Variants in POU2F1 observed in about 807,000 individuals in gnomAD.
POU2F1 encodes POU class 2 homeobox 1, also known as POU domain, class 2, transcription factor 1.
A neutral mutation model predicts 84.9 loss-of-function variants in POU2F1; 16 were observed. The ratio of observed to expected loss-of-function variants is 0.19; its 90% confidence interval spans 0.13 to 0.29. POU2F1 has a LOEUF of 0.29. POU2F1 is among the 10% of genes least tolerant of loss of function. POU2F1 has a pLI of 1.00. For missense variants in POU2F1, 738 were observed against 942.6 expected (o/e 0.78, Z 2.84); for synonymous variants, 368 against 368.3 (o/e 1.00, Z 0.01).
At chr1:167,290,274 A>G (rs778687127) in intron 1 of POU2F1, among the ~76,000 whole-genome samples, 3 of 152,070 alleles carry the variant, frequency 2.0e-5, no homozygotes, top group East Asian at 1.9e-4. Flanking sequence ...GTGTGCGCCT[A>G]TAGTCCCATG....
intron 1 of POU2F1, among the ~76,000 whole-genome samples, chr1:167,260,684 C>T (rs1222239505): frequency 6.6e-6 from 1 of 152,158 alleles, no homozygotes; most frequent in East Asian, 1.9e-4. Flanking sequence ...TTCTACATTT[C>T]TTTTGACGCT....
chr1:167,308,096 T>C (rs1170424802), intron 1 of POU2F1, among the ~76,000 whole-genome samples: 2 of 151,542 alleles, frequency 1.3e-5, no homozygotes, highest in East Asian at 3.9e-4. Flanking sequence ...AGACGGAGCC[T>C]TGCTCTGTCA....
chr1:167,392,045 G>T (rs1378648949), intron 9 of POU2F1, among the ~76,000 whole-genome samples: 2 of 151,976 alleles, frequency 1.3e-5, no homozygotes, highest in Non-Finnish European at 2.9e-5. Flanking sequence ...TAAATGATCT[G>T]ACCTGTTTTA....
intron 1 of POU2F1, chr1:167,241,362 C>T (rs568478269): frequency 2.6e-5 from 4 of 152,148 alleles, no homozygotes; most frequent in East Asian, 1.9e-4. Context: ...CTAAATATTT[C>T]GTTTTAAAAG....
At chr1:167,232,239 C>T (rs778366015) in intron 1 of POU2F1, among the ~76,000 whole-genome samples, 1 of 152,228 alleles carries the variant, frequency 6.6e-6, no homozygotes, top group Non-Finnish European at 1.5e-5. Flanking sequence ...TGTACAATCA[C>T]GTACCGCATA....
chr1:167,333,575 A>G (rs1425988385), intron 2 of POU2F1, among the ~76,000 whole-genome samples: 1 of 152,172 alleles, frequency 6.6e-6, no homozygotes, highest in Non-Finnish European at 1.5e-5. Flanking sequence ...CTTTTGCTGT[A>G]AACTCTCCTA....
At chr1:167,401,681 C>T (rs1649219080) in intron 13 of POU2F1, 125 bp downstream of exon 13, 1 of 525,064 alleles carries the variant, frequency 1.9e-6, no homozygotes, top group Non-Finnish European at 3.1e-6. Context: ...TCATAAATAT[C>T]AATTTTCTTT....
intron 1 of POU2F1, among the ~76,000 whole-genome samples, chr1:167,318,150 G>A (rs890938579): frequency 1.3e-5 from 2 of 152,180 alleles, no homozygotes; most frequent in African/African-American, 2.4e-5. Context: ...AGTTTGTAGA[G>A]TGTCCTTCTA....
At chr1:167,245,605 G>A in intron 1 of POU2F1, among the ~76,000 whole-genome samples, 1 of 151,878 alleles carries the variant, frequency 6.6e-6, no homozygotes, top group East Asian at 1.9e-4. Context: ...TAGAGACGGG[G>A]TTTCTCCACA....
intron 1 of POU2F1, among the ~76,000 whole-genome samples, chr1:167,264,147 A>G (rs1571191971): frequency 6.6e-6 from 1 of 152,314 alleles, no homozygotes; most frequent in African/African-American, 2.4e-5. Flanking sequence ...TTAAGAGAAG[A>G]TAATGGGCAA....
chr1:167,308,154 C>T (rs1199987546), intron 1 of POU2F1, among the ~76,000 whole-genome samples: 1 of 151,924 alleles, frequency 6.6e-6, no homozygotes, highest in African/African-American at 2.4e-5. Flanking sequence ...GCAGCCTCTG[C>T]CGCCCGGGTT....
intron 1 of POU2F1, among the ~76,000 whole-genome samples, chr1:167,325,718 G>A (rs1459643337): frequency 4.0e-5 from 6 of 151,872 alleles, no homozygotes; most frequent in East Asian, 1.9e-4. Context: ...GGTGAAACCC[G>A]TCTCTACTAA....
In POU2F1 at chr1:167,225,440, A is replaced by G. The variant is rs191706959; in HGVS notation, c.61+4482A>G. Among the ~76,000 whole-genome samples, 4 of 152,372 alleles carry G rather than the reference A, an allele frequency of 2.6e-5. No individual in the cohort carries two copies. The East Asian group carries it at 7.7e-4, about 29-fold the overall frequency. On this transcript the variant is annotated intron_variant, in intron 1 of 15. Coordinates refer to ENST00000367866, the MANE Select transcript of POU2F1 (RefSeq NM_002697.4). ...ACTATTCTCTACATCAATAGGTAGT[A>G]TAAAGCAGTGTAAATAAAATATGTT...
intron 1 of POU2F1, among the ~76,000 whole-genome samples, chr1:167,226,552 A>G (rs1191058649): frequency 6.6e-6 from 1 of 152,226 alleles, no homozygotes. Flanking sequence ...AAACTGTTTC[A>G]GCAGTAATAA....
chr1:167,285,729 C>T (rs182282211), intron 1 of POU2F1, among the ~76,000 whole-genome samples: 163 of 152,248 alleles, frequency 1.1e-3, no homozygotes, highest in Non-Finnish European at 2.0e-3. Flanking sequence ...GGCTAGTGCT[C>T]ATTTATCAGT....
intron 10 of POU2F1, chr1:167,396,696 C>A (rs1354694248): frequency 3.0e-6 from 1 of 338,208 alleles, no homozygotes. Flanking sequence ...AACACACACA[C>A]ACACACACAC....
Position 167,396,275 on chromosome 1 carries a change from A to G in POU2F1, c.988-11A>G. Reference sequence around the variant, plus strand: ...TTCCTCTCCTCTTCTCCTGCTCTGTATTGTGTGTAGGGTGATGTTGGGCTC... The same window carrying G: ...TTCCTCTCCTCTTCTCCTGCTCTGTGTTGTGTGTAGGGTGATGTTGGGCTC... On this transcript the variant is annotated splice_polypyrimidine_tract_variant and intron_variant, in intron 9 of 15. Coordinates refer to ENST00000367866, the MANE Select transcript of POU2F1 (RefSeq NM_002697.4). 2.5e-6 allele frequency: 4 copies of G among 1,613,700 alleles called. No individual in the cohort carries two copies. The highest frequency in any genetic ancestry group is 3.4e-6 in the Non-Finnish European group (4 of 1,179,730).
intron 1 of POU2F1, among the ~76,000 whole-genome samples, chr1:167,288,545 C>T (rs917894651): frequency 6.6e-6 from 1 of 152,092 alleles, no homozygotes; most frequent in African/African-American, 2.4e-5. Flanking sequence ...TAAAAATTAG[C>T]CAGGTGCTGT....
chr1:167,378,829 T>C (rs1040007532), intron 7 of POU2F1, among the ~76,000 whole-genome samples: 2 of 152,066 alleles, frequency 1.3e-5, no homozygotes, highest in African/African-American at 4.8e-5. Flanking sequence ...CTTGGCTCAC[T>C]GCAACCTCTG....
Sources: allele counts gnomAD v4.1 joint callset (sites outside exome capture counted in the v4.1 genomes callset), GRCh38; gene constraint gnomAD v4.1.1; transcripts MANE v1.5; gene names NCBI Gene and HGNC (gene_info 2026-07-23, HGNC 2026-07-21).